CDH12: variants seen among roughly 807,000 people sequenced by gnomAD.
CDH12 encodes the protein cadherin 12.
Under a neutral mutation model 74.1 loss-of-function variants are expected in CDH12, and 41 were observed. The ratio of observed to expected loss-of-function variants is 0.55; its 90% confidence interval spans 0.43 to 0.72. The LOEUF is 0.72. Ranked by LOEUF, CDH12 falls within the 30% of genes least tolerant of loss-of-function variation. CDH12 has a pLI of 0.00. For missense variants in CDH12, 945 were observed against 977.2 expected (o/e 0.97, Z 0.44); for synonymous variants, 399 against 355.0 (o/e 1.12, Z -1.39).
At chr5:22,693,031 T>C (rs1742166386) in intron 1 of CDH12, among the ~76,000 whole-genome samples, 1 of 150,436 alleles carries the variant, frequency 6.6e-6, no homozygotes, top group Non-Finnish European at 1.5e-5. Flanking sequence ...TTTTTTTTTT[T>C]CTTGACATGG....
intron 3 of CDH12, among the ~76,000 whole-genome samples, chr5:22,230,750 T>G (rs933413620): frequency 7.2e-5 from 11 of 152,100 alleles, no homozygotes; most frequent in Admixed American, 6.5e-5. Context: ...ATTACAGTTG[T>G]GAGCCACCTT....
At chr5:22,625,305 T>G (rs1738229110) in intron 1 of CDH12, among the ~76,000 whole-genome samples, 1 of 151,826 alleles carries the variant, frequency 6.6e-6, no homozygotes, top group African/African-American at 2.4e-5. Flanking sequence ...TAAAGTATAA[T>G]AATGAATATA....
intron 3 of CDH12, among the ~76,000 whole-genome samples, chr5:22,402,508 T>C (rs146836322): frequency 6.6e-6 from 1 of 152,330 alleles, no homozygotes; most frequent in East Asian, 1.9e-4. Flanking sequence ...AACTTGAATA[T>C]ATAACTGAGA....
chr5:22,092,150 T>C lies in CDH12; in HGVS notation c.-186-13288A>G, dbSNP rs1002775652. The stretch of plus-strand genomic sequence containing the variant: ...GCAAAAATTCACTCAGGATGGATCA[T>C]AGACCTTATTTAAGAGTTAATCCTG... On this transcript the variant is annotated intron_variant, in intron 4 of 14. Coordinates refer to ENST00000382254, the MANE Select transcript of CDH12 (RefSeq NM_004061.5). Among the ~76,000 whole-genome samples, 10 of 151,942 alleles carry C rather than the reference T, an allele frequency of 6.6e-5. No individual in the cohort carries two copies. The East Asian group carries it at 1.6e-3, about 24-fold the overall frequency.
chr5:22,049,935 T>C (rs575769388), intron 5 of CDH12, among the ~76,000 whole-genome samples: 7 of 150,900 alleles, frequency 4.6e-5, no homozygotes, highest in Non-Finnish European at 7.4e-5. Context: ...TTTCCATCCT[T>C]TTATTTAAAC....
At chr5:21,999,446 T>C (rs1326945911) in intron 5 of CDH12, among the ~76,000 whole-genome samples, 2 of 152,200 alleles carry the variant, frequency 1.3e-5, no homozygotes, top group Non-Finnish European at 2.9e-5. Context: ...TCAGGTTTGA[T>C]GCGCTATCAG....
intron 1 of CDH12, among the ~76,000 whole-genome samples, chr5:22,816,024 G>A (rs1184904815): frequency 6.6e-6 from 1 of 152,004 alleles, no homozygotes; most frequent in African/African-American, 2.4e-5. Flanking sequence ...AAAGGGCAAT[G>A]GCAATACCAC....
At chr5:22,710,564 G>A (rs1227290959) in intron 1 of CDH12, among the ~76,000 whole-genome samples, 4 of 152,044 alleles carry the variant, frequency 2.6e-5, no homozygotes, top group Non-Finnish European at 5.9e-5. Context: ...TGAGGGTAAG[G>A]ATTTTTGCTT....
At chr5:21,777,109 T>C (rs982378651) in intron 11 of CDH12, among the ~76,000 whole-genome samples, 1 of 152,180 alleles carries the variant, frequency 6.6e-6, no homozygotes, top group Non-Finnish European at 1.5e-5. Context: ...AGTTATTTAA[T>C]AAATATTGCT....
intron 1 of CDH12, among the ~76,000 whole-genome samples, chr5:22,576,499 G>T (rs902763628): frequency 6.6e-6 from 1 of 152,288 alleles, no homozygotes; most frequent in Middle Eastern, 3.4e-3. Context: ...AATATATGGA[G>T]AAATAGACAA....
chr5:21,890,385 A>G (rs1330789657), intron 6 of CDH12, among the ~76,000 whole-genome samples: 1 of 152,146 alleles, frequency 6.6e-6, no homozygotes, highest in Non-Finnish European at 1.5e-5. Flanking sequence ...ATGGAAAATA[A>G]GAAGAGTAAA....
intron 1 of CDH12, among the ~76,000 whole-genome samples, chr5:22,842,036 A>C (rs1380417307): frequency 1.3e-5 from 2 of 152,158 alleles, no homozygotes; most frequent in Non-Finnish European, 2.9e-5. Flanking sequence ...AAAATACTTG[A>C]GATGACAACA....
chr5:22,028,142 T>A (rs1738516522), intron 5 of CDH12, among the ~76,000 whole-genome samples: 1 of 152,144 alleles, frequency 6.6e-6, no homozygotes, highest in Non-Finnish European at 1.5e-5. Context: ...AGTTTCTTAA[T>A]CCTGAGCTCT....
At chr5:22,813,124 G>A (rs920734387) in intron 1 of CDH12, among the ~76,000 whole-genome samples, 1 of 151,870 alleles carries the variant, frequency 6.6e-6, no homozygotes, top group Non-Finnish European at 1.5e-5. Flanking sequence ...ACGACCTACT[G>A]AAAAAAAATT....
rs544489780 is a variant in CDH12 at position 22,037,109 on chromosome 5, G to A, written c.231+41337C>T. ...ATTAACGTAGACATAAGAAAATGGCGGCAAGCCGTAAAGCTTGAAAAGCAA... is the reference window on the plus strand; with the variant it reads ...ATTAACGTAGACATAAGAAAATGGCAGCAAGCCGTAAAGCTTGAAAAGCAA... On this transcript the variant is annotated intron_variant, in intron 5 of 14. Coordinates refer to ENST00000382254, the MANE Select transcript of CDH12 (RefSeq NM_004061.5). Among the ~76,000 whole-genome samples, 8 of 152,198 alleles carry A rather than the reference G, an allele frequency of 5.3e-5. No homozygotes were observed. The South Asian group carries it at 6.2e-4, about 12-fold the overall frequency.
intron 6 of CDH12, among the ~76,000 whole-genome samples, chr5:21,974,092 A>G (rs986219473): frequency 6.6e-6 from 1 of 152,200 alleles, no homozygotes; most frequent in Non-Finnish European, 1.5e-5. Context: ...TCCTACAGCT[A>G]CTAACCTGCT....
chr5:22,380,797 T>G (rs2126381202), intron 3 of CDH12, among the ~76,000 whole-genome samples: 1 of 152,250 alleles, frequency 6.6e-6, no homozygotes, highest in African/African-American at 2.4e-5. Flanking sequence ...AGCTCATTTT[T>G]ATGTAAACAG....
intron 2 of CDH12, among the ~76,000 whole-genome samples, chr5:22,413,969 A>C (rs1285903459): frequency 1.3e-5 from 2 of 152,030 alleles, no homozygotes; most frequent in Non-Finnish European, 2.9e-5. Context: ...CTTTTAAATA[A>C]AAATTTTCTT....
At chr5:22,052,834 A>T (rs1378520603) in intron 5 of CDH12, among the ~76,000 whole-genome samples, 1 of 152,090 alleles carries the variant, frequency 6.6e-6, no homozygotes, top group African/African-American at 2.4e-5. Context: ...TAGGCCAAAA[A>T]ATAAAAACAA....
Sources: allele counts gnomAD v4.1 joint callset (sites outside exome capture counted in the v4.1 genomes callset), GRCh38; gene constraint gnomAD v4.1.1; transcripts MANE v1.5; gene names NCBI Gene and HGNC (gene_info 2026-07-23, HGNC 2026-07-21).